ADGRL2: variants seen among roughly 807,000 people sequenced by gnomAD.
ADGRL2 encodes the protein adhesion G protein-coupled receptor L2.
In ADGRL2, 44 loss-of-function variants were observed where a neutral mutation model predicts 157.4. The observed-to-expected ratio is 0.28, with a 90% CI of 0.22 to 0.36. The LOEUF is 0.36. Among genes scored for constraint, ADGRL2 ranks in the 10% least tolerant of loss-of-function variants. The pLI, the probability that ADGRL2 is intolerant of heterozygous loss-of-function variation, is 1.00. For missense variants in ADGRL2, 1,510 were observed against 1,768.9 expected, an observed-to-expected ratio of 0.85 and a Z score of 2.63; for synonymous variants, 585 against 624.7, an observed-to-expected ratio of 0.94 and a Z score of 0.95.
intron 1 of ADGRL2, among the ~76,000 whole-genome samples, chr1:81,753,550 C>G (rs756616442): frequency 9.2e-5 from 14 of 152,040 alleles, no homozygotes; most frequent in Non-Finnish European, 1.6e-4. Context: ...GTTGAATATA[C>G]TATTAAAGAT....
chr1:81,378,566 T>TAAAA (rs58850012), intron 1 of ADGRL2, among the ~76,000 whole-genome samples: 14 of 101,300 alleles, frequency 1.4e-4, no homozygotes, highest in South Asian at 4.0e-4. Flanking sequence ...CCTTGTATCT[T>TAAAA]AAAAAAAAAA....
chr1:81,539,353 C>T (rs183816433), intron 2 of ADGRL2, among the ~76,000 whole-genome samples: 54 of 152,200 alleles, frequency 3.5e-4, no homozygotes, highest in Admixed American at 3.5e-3. Flanking sequence ...GACTGTAAAA[C>T]GCATATTGAC....
chr1:81,548,043 G>A (rs17455031), intron 2 of ADGRL2, among the ~76,000 whole-genome samples: 3,696 of 152,260 alleles, frequency 0.024, 76 homozygotes, highest in Non-Finnish European at 0.035. Context: ...GATTCACACA[G>A]CTGGGAAGGA....
Position 81,955,977 on chromosome 1 carries a change from T to A in ADGRL2, c.1934T>A (p.Leu645His). 3.1e-6 allele frequency: 5 copies of A among 1,610,600 alleles called. No homozygotes were observed. In the Admixed American group the frequency reaches 8.4e-5, roughly 27 times the overall value. Residue 645 changes from leucine to histidine, a missense_variant, in exon 11 of 24, where the codon CTC (leucine) becomes CAC (histidine). Transcript: ENST00000686636. ...SEQAHTATML[L>H]DTLEEGAFVL... is the part of the protein sequence containing the mutation. Reference sequence around the variant, plus strand: ...CAAGCACATACTGCAACAATGTTACTCGATACATTGGAAGAAGGAGCTTTT... The same window carrying A: ...CAAGCACATACTGCAACAATGTTACACGATACATTGGAAGAAGGAGCTTTT...
At chr1:81,459,025 C>A (rs1429312772) in intron 2 of ADGRL2, among the ~76,000 whole-genome samples, 1 of 152,070 alleles carries the variant, frequency 6.6e-6, no homozygotes, top group Non-Finnish European at 1.5e-5. Context: ...GAGTGGGTAA[C>A]CCTCTGTGTG....
intron 2 of ADGRL2, among the ~76,000 whole-genome samples, chr1:81,458,418 G>A (rs768131202): frequency 3.3e-5 from 5 of 152,166 alleles, no homozygotes; most frequent in Non-Finnish European, 5.9e-5. Flanking sequence ...AGGGAATGGC[G>A]CCCGGCACGT....
At chr1:81,687,940 T>C (rs1269871509) in intron 3 of ADGRL2, among the ~76,000 whole-genome samples, 2 of 152,320 alleles carry the variant, frequency 1.3e-5, no homozygotes, top group African/African-American at 2.4e-5. Flanking sequence ...TTAGTTTTGC[T>C]GGATACAAAA....
chr1:81,341,654 A>T (rs1662083080), intron 1 of ADGRL2, among the ~76,000 whole-genome samples: 1 of 152,148 alleles, frequency 6.6e-6, no homozygotes, highest in Non-Finnish European at 1.5e-5. Flanking sequence ...TTTTAATGGA[A>T]GTGATACTTA....
intron 1 of ADGRL2, among the ~76,000 whole-genome samples, chr1:81,370,535 T>C (rs1272724512): frequency 7.2e-5 from 11 of 152,154 alleles, no homozygotes; most frequent in Non-Finnish European, 1.2e-4. Flanking sequence ...ATGAAAATTA[T>C]ACCCACAACA....
chr1:81,891,122 A>G (rs1001173518), intron 2 of ADGRL2, among the ~76,000 whole-genome samples: 45 of 151,824 alleles, frequency 3.0e-4, no homozygotes, highest in African/African-American at 1.0e-3. Flanking sequence ...AGTCTTTTAC[A>G]TACTTTTCTG....
chr1:81,990,548 A>G lies in ADGRL2; in HGVS notation c.3813A>G (p.Lys1271=), dbSNP rs763442124. 7 of 1,614,086 alleles carry G rather than the reference A, an allele frequency of 4.3e-6. No individual in the cohort carries two copies. Among genetic ancestry groups the G allele is most frequent in the East Asian group, 2.2e-5 (1 of 44,878 alleles). ...GLSLNDTAFE[K]MIISELVHNN... ...GTCTGAATGATACTGCTTTTGAGAA[A>G]ATGATCATTTCAGAATTAGTGCACA... Residue 1271 remains lysine (K), a synonymous_variant, in exon 24 of 24, where the codon AAA becomes AAG. Transcript: ENST00000686636.
Position 81,991,115 on chromosome 1 carries a change from A to G in ADGRL2, c.4380A>G (p.Glu1460=), listed in dbSNP as rs1664532476. 1 of 1,609,376 alleles carries G rather than the reference A, an allele frequency of 6.2e-7. No homozygotes were observed. The highest frequency in any genetic ancestry group is 1.3e-5 in the African/African-American group (1 of 74,830). Residue 1460 remains glutamate, a synonymous_variant, in exon 24 of 24, where the codon GAA becomes GAG. Transcript: ENST00000686636. ...GTATTCCAGAAGGAGATGTTAGAGA[A>G]GGACAAATGCAGCTGGTTACAAGTC... ...EGCIPEGDVR[E]GQMQLVTSL
intron 5 of ADGRL2, 50 bp from the exon 6 acceptor site, chr1:81,942,919 G>C (rs1267545937): frequency 7.3e-7 from 1 of 1,371,618 alleles, no homozygotes; most frequent in East Asian, 2.3e-5. Context: ...TTGTTTGCCT[G>C]TGTAATTTTT....
chr1:81,883,929 T>C (rs1474067268), intron 2 of ADGRL2, among the ~76,000 whole-genome samples: 1 of 152,156 alleles, frequency 6.6e-6, no homozygotes, highest in Non-Finnish European at 1.5e-5. Context: ...GTTGCCAGCT[T>C]TTTGTATACT....
intron 2 of ADGRL2, among the ~76,000 whole-genome samples, chr1:81,534,950 A>G (rs970945208): frequency 3.3e-5 from 5 of 152,202 alleles, no homozygotes; most frequent in African/African-American, 7.2e-5. Context: ...TTCGATGACA[A>G]GAACATCCAT....
chr1:81,343,635 C>A (rs1662251266), intron 1 of ADGRL2, among the ~76,000 whole-genome samples: 1 of 151,962 alleles, frequency 6.6e-6, no homozygotes, highest in Non-Finnish European at 1.5e-5. Context: ...TGGTGAGGTT[C>A]CCTTCCAAGG....
At chr1:81,980,178 G>T (rs1661255764) in intron 18 of ADGRL2, among the ~76,000 whole-genome samples, 1 of 151,672 alleles carries the variant, frequency 6.6e-6, no homozygotes, top group South Asian at 2.1e-4. Context: ...AATTGTTTCA[G>T]TGGCTTTGTG....
chr1:81,769,877 T>C (rs1361956004), intron 2 of ADGRL2, among the ~76,000 whole-genome samples: 1 of 152,072 alleles, frequency 6.6e-6, no homozygotes, highest in Non-Finnish European at 1.5e-5. Flanking sequence ...TTTTTTTCTT[T>C]TTTTGAGATG....
chr1:81,850,304 C>A (rs765754634), intron 2 of ADGRL2, among the ~76,000 whole-genome samples: 5 of 149,910 alleles, frequency 3.3e-5, no homozygotes, highest in Non-Finnish European at 6.0e-5. Flanking sequence ...TTTAAGTTCT[C>A]TTCGTTGTCT....
Sources: allele counts gnomAD v4.1 joint callset (sites outside exome capture counted in the v4.1 genomes callset), GRCh38; gene constraint gnomAD v4.1.1; transcripts MANE v1.5; gene names NCBI Gene and HGNC (gene_info 2026-07-23, HGNC 2026-07-21).